Variants in CYRIB observed in about 807,000 individuals in gnomAD.
CYRIB encodes the protein CYFIP related Rac1 interactor B.
CYRIB carries 8 observed loss-of-function variants against 44.2 expected under a neutral mutation model. The ratio of observed to expected loss-of-function variants is 0.18; its 90% CI spans 0.11 to 0.33. The LOEUF (loss-of-function observed/expected upper bound fraction) is 0.33, where lower values mean the gene tolerates loss of function less well. Among genes scored for constraint, CYRIB ranks in the 10% least tolerant of loss-of-function variants. The pLI is 1.00. For missense variants in CYRIB, 185 were observed against 382.8 expected, an observed-to-expected ratio of 0.48 and a Z score of 4.31; for synonymous variants, 131 against 127.2, an observed-to-expected ratio of 1.03 and a Z score of -0.20.
chr8:129,850,561 A>C (rs1406445789), intron 9 of CYRIB: 1 of 397,650 alleles, frequency 2.5e-6, no homozygotes, highest in East Asian at 5.3e-5. Context: ...CACCACCACC[A>C]CTTCTGTTCT....
intron 11 of CYRIB, among the ~76,000 whole-genome samples, chr8:129,842,780 AG>A (rs1369408253): frequency 1.3e-5 from 2 of 152,340 alleles, no homozygotes; most frequent in East Asian, 3.9e-4. Context: ...AGAGGTGAGG[AG>A]CTGTAACAGA....
intron 2 of CYRIB, among the ~76,000 whole-genome samples, chr8:129,969,066 T>G (rs1257198917): frequency 8.5e-6 from 1 of 117,294 alleles, no homozygotes; most frequent in African/African-American, 3.3e-5. Flanking sequence ...CAGGCTAGAG[T>G]GCAGTGGCTT....
At chr8:129,845,506 G>T (rs1423957461) in intron 11 of CYRIB, among the ~76,000 whole-genome samples, 3 of 152,178 alleles carry the variant, frequency 2.0e-5, no homozygotes, top group Non-Finnish European at 4.4e-5. Context: ...ACATTATAAG[G>T]ATTTTAAATT....
intron 1 of CYRIB, among the ~76,000 whole-genome samples, chr8:129,985,279 G>T (rs1433353216): frequency 1.3e-5 from 2 of 152,236 alleles, no homozygotes; most frequent in Non-Finnish European, 2.9e-5. Context: ...GCGGCTGGCA[G>T]CAAGTACTAA....
intron 1 of CYRIB, among the ~76,000 whole-genome samples, chr8:129,974,546 T>A (rs573001494): frequency 1.3e-5 from 2 of 152,252 alleles, no homozygotes; most frequent in East Asian, 3.9e-4. Context: ...TGATTATGGA[T>A]CATTTTTAAA....
rs750344168 is a variant in CYRIB at position 129,871,359 on chromosome 8, C to T, written c.195+16G>A. On this transcript the variant is annotated intron_variant, in intron 4 of 11. Transcript: ENST00000519824. ...GTAAGTTTCAGTTAACTAGAAAATACATAAATGCGCTTTACCTCTCGTATT... is the reference window on the plus strand; with the variant it reads ...GTAAGTTTCAGTTAACTAGAAAATATATAAATGCGCTTTACCTCTCGTATT... The T allele has an allele frequency of 5.0e-6, 8 of 1,592,744 alleles. No homozygotes were observed. The highest frequency in any genetic ancestry group is 6.8e-6 in the Non-Finnish European group (8 of 1,173,280).
chr8:130,000,491 G>A (rs966068514), intron 1 of CYRIB, among the ~76,000 whole-genome samples: 1 of 151,958 alleles, frequency 6.6e-6, no homozygotes, highest in Non-Finnish European at 1.5e-5. Flanking sequence ...TCAGGAGTTC[G>A]AGACCAGCCT....
At chr8:129,980,785 G>A (rs980652582) in intron 1 of CYRIB, among the ~76,000 whole-genome samples, 4 of 151,876 alleles carry the variant, frequency 2.6e-5, no homozygotes, top group Admixed American at 6.6e-5. Context: ...AGGTCAAGAC[G>A]AGGCTGGGCA....
At position 129,885,842 on chromosome 8, in the gene CYRIB, T is replaced by TAAAAAA. The variant is rs559501604; in HGVS notation, c.-10-6377_-10-6372dup. Among the ~76,000 whole-genome samples the TAAAAAA allele has an allele frequency of 4.5e-4, 67 of 147,996 alleles. No individual in the cohort carries two copies. In the South Asian group the frequency reaches 9.8e-3, roughly 22 times the overall value. ...AATTCTTACCTTTCTCATGATCTCT[T>TAAAAAA]AAAAAAAAAAGAAGAAGAAAACCAC... is the stretch of plus-strand genomic sequence containing the variant. On this transcript the variant is annotated intron_variant, in intron 2 of 11. Transcript: ENST00000519824.
intron 2 of CYRIB, among the ~76,000 whole-genome samples, chr8:129,958,570 T>C: frequency 6.6e-6 from 1 of 152,176 alleles, no homozygotes; most frequent in East Asian, 1.9e-4. Context: ...TCTATTACTT[T>C]AAAACCTAAT....
chr8:129,961,819 T>C (rs10111220), intron 2 of CYRIB, among the ~76,000 whole-genome samples: 7,128 of 152,310 alleles, frequency 0.047, 171 homozygotes, highest in Middle Eastern at 0.068. Flanking sequence ...TACCAGGCAA[T>C]GCAAGGGGCT....
intron 2 of CYRIB, among the ~76,000 whole-genome samples, chr8:129,900,932 C>A (rs1336520548): frequency 1.3e-5 from 2 of 152,198 alleles, no homozygotes; most frequent in African/African-American, 4.8e-5. Flanking sequence ...CCTCGGCCAC[C>A]CAAAGTGCTG....
chr8:129,867,998 G>A lies in CYRIB; in HGVS notation c.195+3377C>T, dbSNP rs75822301. Among the ~76,000 whole-genome samples, 458 of 152,244 alleles carry A rather than the reference G, an allele frequency of 3.0e-3. 1 individual carries two copies. Among genetic ancestry groups the A allele is most frequent in the African/African-American group, 0.011 (440 of 41,526 alleles). ...CCAACCAAAACTTCTTCACAGTGAT[G>A]TGCACTTACTAGCAAAGCTGACCAT... On this transcript the variant is annotated intron_variant, in intron 4 of 11. Coordinates refer to ENST00000519824, the Ensembl canonical transcript of CYRIB.
intron 2 of CYRIB, among the ~76,000 whole-genome samples, chr8:129,967,375 TTTTG>T (rs2095520235): frequency 6.9e-6 from 1 of 144,916 alleles, no homozygotes; most frequent in Non-Finnish European, 1.5e-5. Flanking sequence ...TGTTTTGTTT[TTTTG>T]TTTTTTTGTT....
rs1221643020 is a variant in CYRIB, at chr8:129,996,876, T to C, written c.-296+19494A>G. ...AAAGAAAGAAAAGGATTCCTAACGATGGAATGGCAGGAACTCACTTATTCA... is the reference window on the plus strand; with the variant it reads ...AAAGAAAGAAAAGGATTCCTAACGACGGAATGGCAGGAACTCACTTATTCA... On this transcript the variant is annotated intron_variant, in intron 1 of 14. Transcript: ENST00000401979. Among the ~76,000 whole-genome samples, 3 of 152,112 alleles carry C rather than the reference T, an allele frequency of 2.0e-5. No individual in the cohort carries two copies. The South Asian group carries it at 6.2e-4, about 31-fold the overall frequency.
intron 1 of CYRIB, among the ~76,000 whole-genome samples, chr8:129,984,246 G>A (rs1016042207): frequency 2.0e-5 from 3 of 152,188 alleles, no homozygotes; most frequent in African/African-American, 4.8e-5. Flanking sequence ...AGCCAGACAC[G>A]GGACACAAGC....
intron 1 of CYRIB, among the ~76,000 whole-genome samples, chr8:129,932,717 G>A (rs926560332): frequency 6.6e-6 from 1 of 152,158 alleles, no homozygotes; most frequent in African/African-American, 2.4e-5. Context: ...GTTCTTGACA[G>A]TTCTGGGGAA....
intron 4 of CYRIB, among the ~76,000 whole-genome samples, chr8:129,868,179 CCTTT>C (rs2054900337): frequency 6.6e-6 from 1 of 152,112 alleles, no homozygotes; most frequent in South Asian, 2.1e-4. Flanking sequence ...TTTGTACATT[CCTTT>C]CTTAATTTGT....
intron 1 of CYRIB, among the ~76,000 whole-genome samples, chr8:129,919,598 C>T: frequency 6.6e-6 from 1 of 151,992 alleles, no homozygotes; most frequent in East Asian, 1.9e-4. Context: ...AGGAGAATGT[C>T]AGAGAAAGCT....
Sources: gnomAD v4.1 joint callset for allele counts (sites outside exome capture counted in the v4.1 genomes callset) on GRCh38, gnomAD v4.1.1 for gene constraint, MANE v1.5 for transcripts, NCBI Gene and HGNC (gene_info 2026-07-23, HGNC 2026-07-21) for gene names.